The following ACSL3 variants were observed in gnomAD, a reference collection of about 807,000 sequenced individuals.
ACSL3 encodes acyl-CoA synthetase long chain family member 3, also known as fatty acid CoA ligase Acsl3.
A neutral mutation model predicts 84.7 loss-of-function variants in ACSL3; 34 were observed. That is an observed-to-expected ratio of 0.40 (90% CI 0.31 to 0.53). ACSL3 has a LOEUF of 0.53. ACSL3 is among the 20% of genes least tolerant of loss of function. The pLI, the probability that ACSL3 is intolerant of heterozygous loss-of-function variation, is 0.48. For missense variants in ACSL3, 680 were observed against 873.1 expected, an observed-to-expected ratio of 0.78 and a Z score of 2.79; for synonymous variants, 315 against 299.4, an observed-to-expected ratio of 1.05 and a Z score of -0.54.
In ACSL3 at chr2:222,886,115, G is replaced by A. The variant is rs186571039; in HGVS notation, c.-206-1715G>A. 3.8e-3 allele frequency among the ~76,000 whole-genome samples: 583 copies of A among 152,082 alleles called. 2 individuals are homozygous for A. The highest frequency in any genetic ancestry group is 0.02 in the Middle Eastern group (6 of 294). Reference sequence around the variant, plus strand: ...ATGTGCAGAACGTGCAGGTTTACATGTATACGTAGGTACACACGTGGCATG... The same window carrying A: ...ATGTGCAGAACGTGCAGGTTTACATATATACGTAGGTACACACGTGGCATG... On this transcript the variant is annotated intron_variant, in intron 1 of 16. Transcript: ENST00000357430.
chr2:222,904,220 G>A (rs565103453), intron 3 of ACSL3, among the ~76,000 whole-genome samples: 2 of 151,914 alleles, frequency 1.3e-5, no homozygotes, highest in South Asian at 4.2e-4. Flanking sequence ...GCAGTGAGCC[G>A]AGATCGCACC....
At position 222,919,077 on chromosome 2, in the gene ACSL3, T is replaced by C; in HGVS notation, c.680T>C (p.Leu227Ser). The C allele has an allele frequency of 5.0e-6, 8 of 1,613,724 alleles. No individual in the cohort carries two copies. The highest frequency in any genetic ancestry group is 6.8e-6 in the Non-Finnish European group (8 of 1,179,832). Residue 227 changes from leucine (L) to serine (S), a missense_variant, in exon 7 of 17, where the codon TTG becomes TCG. This residue lies in a region of ACSL3 where 333 missense variants were observed against 347.5 expected (regional missense o/e 0.96). Coordinates refer to ENST00000357430, the MANE Select transcript of ACSL3 (RefSeq NM_004457.5). ...GTGTATTTCTAGGATATAGTTTCTTTGGTCCCACGCCTGCGGCACATCATC... is the reference window on the plus strand; with the variant it reads ...GTGTATTTCTAGGATATAGTTTCTTCGGTCCCACGCCTGCGGCACATCATC... ...LQTKLKDIVS[L>S]VPRLRHIITV...
chr2:222,907,988 CACAT>C (rs1309724717), intron 3 of ACSL3, among the ~76,000 whole-genome samples: 1 of 152,168 alleles, frequency 6.6e-6, no homozygotes, highest in Non-Finnish European at 1.5e-5. Context: ...CTGGCACGTA[CACAT>C]GCATGCATGC....
intron 7 of ACSL3, 53 bp from the exon 8 acceptor site, chr2:222,921,227 A>G: frequency 1.3e-6 from 2 of 1,556,710 alleles, no homozygotes; most frequent in Non-Finnish European, 1.7e-6. Flanking sequence ...GAAATTGTTG[A>G]TACAGCTGAA....
Position 222,909,159 on chromosome 2 carries a change from A to G in ACSL3, c.378+9A>G, listed in dbSNP as rs1422304161. On this transcript the variant is annotated intron_variant, in intron 4 of 16. Coordinates refer to ENST00000357430, the MANE Select transcript of ACSL3 (RefSeq NM_004457.5). ...GAAAAATTTTTAAAAAGGTAAGATG[A>G]TCTTTCATTGCCTTTGAATTCTTTC... The G allele has an allele frequency of 1.3e-6, 2 of 1,591,350 alleles. No individual in the cohort carries two copies. The highest frequency in any genetic ancestry group is 1.9e-5 in the Admixed American group (1 of 52,960).
Position 222,873,644 on chromosome 2 carries a change from T to C in ACSL3, c.-207+12386T>C, listed in dbSNP as rs189024521. 3.2e-3 allele frequency among the ~76,000 whole-genome samples: 487 copies of C among 152,332 alleles called. 1 individual carries two copies. Among genetic ancestry groups the C allele is most frequent in the African/African-American group, 0.011 (467 of 41,570 alleles). The stretch of plus-strand genomic sequence containing the variant: ...GTGTATGTTAACAAAAGTGGAAATA[T>C]ATTGTGTGTAAATATTTAACCTACT... On this transcript the variant is annotated intron_variant, in intron 1 of 16. Transcript: ENST00000357430.
At chr2:222,883,165 CTG>C (rs1014713872) in intron 1 of ACSL3, among the ~76,000 whole-genome samples, 4 of 140,878 alleles carry the variant, frequency 2.8e-5, no homozygotes, top group Non-Finnish European at 4.6e-5. Context: ...GGTTTGCTTT[CTG>C]TTTTTTTTTT....
chr2:222,867,017 T>C (rs1161450415), intron 1 of ACSL3, among the ~76,000 whole-genome samples: 2 of 151,718 alleles, frequency 1.3e-5, no homozygotes, highest in Non-Finnish European at 2.9e-5. Flanking sequence ...GTATTTTTGG[T>C]AGAGATGGGG....
At chr2:222,895,244 C>G (rs1271853617) in intron 2 of ACSL3, among the ~76,000 whole-genome samples, 1 of 152,126 alleles carries the variant, frequency 6.6e-6, no homozygotes, top group Non-Finnish European at 1.5e-5. Flanking sequence ...TTGCTTATTA[C>G]TCTGAGAAAA....
chr2:222,881,839 A>AC (rs1695598392), intron 1 of ACSL3, among the ~76,000 whole-genome samples: 1 of 152,188 alleles, frequency 6.6e-6, no homozygotes, highest in Non-Finnish European at 1.5e-5. Context: ...ATGTATGGTG[A>AC]TGCTCACACC....
rs769380443 is a variant in ACSL3, at chr2:222,924,450, A to G, written c.1153-6A>G. The G allele has an allele frequency of 2.5e-6, 4 of 1,594,716 alleles. No homozygotes were observed. The African/African-American group carries it at 4.1e-5, about 16-fold the overall frequency. ...AACTATGTTAAACTCATTTTTATAC[A>G]TTTAGGAAATCATGGATCGGATCTA... On this transcript the variant is annotated splice_region_variant and splice_polypyrimidine_tract_variant and intron_variant, in intron 10 of 16. Coordinates refer to ENST00000357430, the MANE Select transcript of ACSL3 (RefSeq NM_004457.5).
At chr2:222,930,467 A>G (rs1333157694) in intron 13 of ACSL3, 154 bp from the exon 14 acceptor site, 3 of 550,978 alleles carry the variant, frequency 5.4e-6, no homozygotes, top group Non-Finnish European at 5.9e-6. Context: ...GCCTACTGTT[A>G]AATTGATAAA....
At chr2:222,920,994 G>T (rs894323729) in intron 7 of ACSL3, 1 of 531,092 alleles carries the variant, frequency 1.9e-6, no homozygotes, top group Non-Finnish European at 3.8e-6. Flanking sequence ...CTACAGAGAC[G>T]GTCTCCAGGC....
At chr2:222,876,979 G>A (rs1297295812) in intron 1 of ACSL3, among the ~76,000 whole-genome samples, 7 of 152,166 alleles carry the variant, frequency 4.6e-5, no homozygotes, top group Non-Finnish European at 2.9e-5. Context: ...CTTTACTTCT[G>A]GATAGAGCAT....
At chr2:222,870,101 TG>T (rs1418791960) in intron 1 of ACSL3, among the ~76,000 whole-genome samples, 1 of 139,296 alleles carries the variant, frequency 7.2e-6, no homozygotes. Context: ...ACTGGACTTC[TG>T]GTTTTTTTTT....
At chr2:222,873,831 G>T (rs1365228121) in intron 1 of ACSL3, among the ~76,000 whole-genome samples, 2 of 152,122 alleles carry the variant, frequency 1.3e-5, no homozygotes, top group African/African-American at 2.4e-5. Context: ...ATAGCAAATG[G>T]AAGTTCTCAA....
chr2:222,884,550 C>T lies in ACSL3; in HGVS notation c.-206-3280C>T, dbSNP rs538497777. Reference sequence around the variant, plus strand: ...CTGCTGGCATTCCCTATTATCAGTCCAATCTTTCAGGCCAGCATCTTCAAA... The same window carrying T: ...CTGCTGGCATTCCCTATTATCAGTCTAATCTTTCAGGCCAGCATCTTCAAA... On this transcript the variant is annotated intron_variant, in intron 1 of 16. Transcript: ENST00000357430. Among the ~76,000 whole-genome samples, 4 of 152,188 alleles carry T rather than the reference C, an allele frequency of 2.6e-5. No homozygotes were observed. The East Asian group carries it at 7.7e-4, about 29-fold the overall frequency.
At position 222,918,141 on chromosome 2, in the gene ACSL3, C is replaced by A. The variant is rs200097335; in HGVS notation, c.652C>A (p.Gln218Lys). The change falls in exon 6 of 17, where the codon CAA (glutamine) becomes AAA (lysine). Residue 218 changes from glutamine to lysine, a missense_variant. By Grantham distance (53) the Gln-to-Lys change is moderately conservative. Coordinates refer to ENST00000357430, the MANE Select transcript of ACSL3 (RefSeq NM_004457.5). ...CATCATTACTAGTAAAGAACTCTTA[C>A]AAACAAAGTTGAAGGTGAGGACTCT... ...TNIITSKELL[Q>K]TKLKDIVSLV... 20 of 1,608,822 alleles carry A rather than the reference C, an allele frequency of 1.2e-5. No individual in the cohort carries two copies. The highest frequency in any genetic ancestry group is 1.4e-5 in the Non-Finnish European group (17 of 1,176,260).
intron 2 of ACSL3, among the ~76,000 whole-genome samples, chr2:222,895,470 C>CTTTTTTTTTTT (rs1164470428): frequency 5.1e-4 from 8 of 15,606 alleles, no homozygotes; most frequent in Non-Finnish European, 7.4e-4. Flanking sequence ...TTACTTTGTT[C>CTTTTTTTTTTT]TTTTTTTTTT....
Sources: allele counts gnomAD v4.1 joint callset (sites outside exome capture counted in the v4.1 genomes callset), GRCh38; gene constraint gnomAD v4.1.1; regional missense constraint gnomAD v4.1.1; transcripts MANE v1.5; gene names NCBI Gene and HGNC (gene_info 2026-07-23, HGNC 2026-07-21).